The following SNTG2 variants were observed in gnomAD, a reference collection of about 807,000 sequenced individuals.
The protein encoded by SNTG2 is syntrophin gamma 2.
A neutral mutation model predicts 70.9 loss-of-function variants in SNTG2; 74 were observed. That is an observed-to-expected ratio of 1.04 (90% CI 0.86 to 1.27). The LOEUF (loss-of-function observed/expected upper bound fraction) is 1.27, where lower values mean the gene tolerates loss of function less well. Among genes scored for constraint, SNTG2 ranks in the 50% most tolerant of loss-of-function variants. SNTG2 has a pLI of 0.00. For synonymous variants in SNTG2, 278 were observed against 273.8 expected (o/e 1.02, Z -0.15); for missense variants, 717 against 690.7 (o/e 1.04, Z -0.43).
intron 14 of SNTG2, among the ~76,000 whole-genome samples, chr2:1,281,566 C>T (rs552515192): frequency 4.0e-5 from 6 of 149,284 alleles, no homozygotes; most frequent in Admixed American, 6.7e-5. Context: ...TGTGTGTGCA[C>T]AAGTGTGCAT....
rs116125841 is a variant in SNTG2 at position 1,208,835 on chromosome 2, G to A, written c.592-268G>A. ...TGCTGTGTCTACAACTTTCCCTCCA[G>A]ATTTAGGCCCCTCTTCTCCTTCTCC... On this transcript the variant is annotated intron_variant, in intron 8 of 16. Transcript: ENST00000308624. Among the ~76,000 whole-genome samples the A allele has an allele frequency of 1.7e-3, 262 of 152,246 alleles. 2 individuals are homozygous for A. The highest frequency in any genetic ancestry group is 6.8e-3 in the Middle Eastern group (2 of 294).
intron 1 of SNTG2, among the ~76,000 whole-genome samples, chr2:1,031,511 TA>T (rs1660816277): frequency 1.0e-4 from 5 of 49,188 alleles, no homozygotes; most frequent in African/African-American, 3.2e-4. Context: ...TTCATTGTTA[TA>T]TATATATATA....
intron 1 of SNTG2, among the ~76,000 whole-genome samples, chr2:1,028,830 G>A (rs540847720): frequency 3.3e-5 from 5 of 150,796 alleles, no homozygotes; most frequent in South Asian, 4.2e-4. Context: ...GTACTGTTCC[G>A]TTTGTGTGCA....
intron 4 of SNTG2, among the ~76,000 whole-genome samples, chr2:1,120,835 A>G (rs1422107328): frequency 6.6e-6 from 1 of 152,168 alleles, no homozygotes; most frequent in African/African-American, 2.4e-5. Context: ...ACTTTCAACA[A>G]TAGATAGTTC....
At chr2:1,229,696 G>T (rs1221760135) in intron 9 of SNTG2, among the ~76,000 whole-genome samples, 1 of 152,346 alleles carries the variant, frequency 6.6e-6, no homozygotes, top group Admixed American at 6.5e-5. Flanking sequence ...CCAATGGAGG[G>T]GGTGGGAGGC....
In SNTG2 at chr2:1,158,959, G is replaced by C. The variant is rs190241662; in HGVS notation, c.412-6589G>C. Among the ~76,000 whole-genome samples, 63 of 152,298 alleles carry C rather than the reference G, an allele frequency of 4.1e-4. 1 individual carries two copies. The highest frequency in any genetic ancestry group is 1.2e-3 in the Admixed American group (18 of 15,302). ...CAAGGTCTTGGAATGTGTTACTAAA[G>C]TGGGGCGTATGGCAGATCGTAGAGG... On this transcript the variant is annotated intron_variant, in intron 6 of 16. Coordinates refer to ENST00000308624, the MANE Select transcript of SNTG2 (RefSeq NM_018968.4).
At chr2:1,139,920 T>C (rs973063548) in intron 6 of SNTG2, among the ~76,000 whole-genome samples, 3 of 152,148 alleles carry the variant, frequency 2.0e-5, no homozygotes, top group African/African-American at 7.2e-5. Context: ...AAATATACTT[T>C]TTGAACCAGA....
intron 9 of SNTG2, among the ~76,000 whole-genome samples, chr2:1,227,278 C>T (rs1675853667): frequency 6.6e-6 from 1 of 152,184 alleles, no homozygotes; most frequent in Non-Finnish European, 1.5e-5. Flanking sequence ...CATTTATTTC[C>T]AAGCAGGAAT....
In SNTG2 at chr2:1,173,124, G is replaced by A; in HGVS notation, c.532G>A (p.Gly178Arg). The A allele has an allele frequency of 6.2e-7, 1 of 1,613,968 alleles. No homozygotes were observed. The highest frequency in any genetic ancestry group is 8.5e-7 in the Non-Finnish European group (1 of 1,179,878). ...AGGGCCATCCAGCGACCACAGCAGT[G>A]GGGCCTCCTCTCCCCTCTTTGACAG... ...SPGPSSDHSS[G>R]ASSPLFDSGL... The change falls in exon 8 of 17, where the codon GGG becomes AGG. Residue 178 changes from glycine to arginine, a missense_variant. Transcript: ENST00000308624.
chr2:1,120,578 G>C (rs954936513), intron 4 of SNTG2, among the ~76,000 whole-genome samples: 8 of 152,156 alleles, frequency 5.3e-5, no homozygotes, highest in Middle Eastern at 3.4e-3. Context: ...CCATGCAAAT[G>C]GTAGCCAAAA....
chr2:1,357,322 C>A (rs1001720633), intron 16 of SNTG2, among the ~76,000 whole-genome samples: 1 of 152,092 alleles, frequency 6.6e-6, no homozygotes, highest in South Asian at 2.1e-4. Flanking sequence ...TAATTTTCTT[C>A]TATTCCTACT....
At chr2:1,152,623 C>T (rs936903695) in intron 6 of SNTG2, among the ~76,000 whole-genome samples, 1 of 151,168 alleles carries the variant, frequency 6.6e-6, no homozygotes, top group African/African-American at 2.5e-5. Flanking sequence ...CACATGTATG[C>T]ATCTGTGTGT....
At chr2:1,068,652 C>T (rs928287749) in intron 1 of SNTG2, among the ~76,000 whole-genome samples, 1 of 152,174 alleles carries the variant, frequency 6.6e-6, no homozygotes, top group Non-Finnish European at 1.5e-5. Context: ...ATATTAATAA[C>T]AAAAGCTCTT....
chr2:976,479 G>A (rs62105733), intron 1 of SNTG2, among the ~76,000 whole-genome samples: 11,957 of 152,168 alleles, frequency 0.079, 696 homozygotes, highest in South Asian at 0.2. Flanking sequence ...CCCCTGCTCC[G>A]TCCCCACCTC....
rs78567279 is a variant in SNTG2 at position 958,376 on chromosome 2, A to T, written c.72+7308A>T. 9.3e-4 allele frequency among the ~76,000 whole-genome samples: 141 copies of T among 152,348 alleles called. 3 individuals are homozygous for T. The South Asian group carries it at 0.028, about 30-fold the overall frequency. ...GGGAACAGGTTCATAAGTCGAGTAG[A>T]TGGCAACAGCTCATGCAGCCCCTCC... On this transcript the variant is annotated intron_variant, in intron 1 of 16. Coordinates refer to ENST00000308624, the MANE Select transcript of SNTG2 (RefSeq NM_018968.4).
At chr2:1,222,627 AG>A (rs879043949) in intron 9 of SNTG2, among the ~76,000 whole-genome samples, 4 of 2,624 alleles carry the variant, frequency 1.5e-3, no homozygotes, top group African/African-American at 1.9e-3. Context: ...TGTAGAGGAA[AG>A]CGGTGCAGTG....
At chr2:1,312,254 C>T (rs1681032447) in intron 15 of SNTG2, among the ~76,000 whole-genome samples, 1 of 152,110 alleles carries the variant, frequency 6.6e-6, no homozygotes, top group Admixed American at 6.5e-5. Context: ...AGAACACCCC[C>T]TAGCTGCTAG....
intron 9 of SNTG2, among the ~76,000 whole-genome samples, chr2:1,227,152 G>A (rs956828946): frequency 2.6e-5 from 4 of 152,152 alleles, no homozygotes; most frequent in South Asian, 2.1e-4. Context: ...GAGGTTCTGC[G>A]GTGTTTTCTC....
At chr2:1,018,123 C>G (rs1659969377) in intron 1 of SNTG2, among the ~76,000 whole-genome samples, 1 of 152,172 alleles carries the variant, frequency 6.6e-6, no homozygotes, top group South Asian at 2.1e-4. Context: ...TAACGAGCCT[C>G]TGTTGACTCC....
Sources: gnomAD v4.1 joint callset for allele counts (sites outside exome capture counted in the v4.1 genomes callset) on GRCh38, gnomAD v4.1.1 for gene constraint, MANE v1.5 for transcripts, NCBI Gene and HGNC (gene_info 2026-07-23, HGNC 2026-07-21) for gene names.